Variants in KLF12 observed in about 807,000 individuals in gnomAD.
KLF12 encodes the protein KLF transcription factor 12.
KLF12 carries 9 observed loss-of-function variants against 37.8 expected under a neutral mutation model. The ratio of observed to expected loss-of-function variants is 0.24; its 90% confidence interval spans 0.14 to 0.42. The LOEUF (loss-of-function observed/expected upper bound fraction) is 0.42. KLF12 is among the 10% of genes least tolerant of loss of function. The probability of loss-of-function intolerance (pLI) is 1.00; values close to 1 mark genes in which losing one functional copy is unlikely to be tolerated. For synonymous variants in KLF12, 208 were observed against 202.1 expected, an observed-to-expected ratio of 1.03 and a Z score of -0.25; for missense variants, 411 against 516.0, an observed-to-expected ratio of 0.80 and a Z score of 1.97.
the KLF12 span, among the ~76,000 whole-genome samples, chr13:74,284,412 T>C: frequency 0.032 from 4,800 of 152,300 alleles, 111 homozygotes; most frequent in Middle Eastern, 0.071. Flanking sequence ...TACTGTGGTA[T>C]AAGCTTCCTT....
chr13:73,964,544 T>C (rs535108707), intron 2 of KLF12, among the ~76,000 whole-genome samples: 1 of 145,152 alleles, frequency 6.9e-6, no homozygotes, highest in Non-Finnish European at 1.5e-5. Flanking sequence ...CCAAGGCGGG[T>C]GGATCACGAG....
chr13:74,171,777 C>T, the KLF12 span, among the ~76,000 whole-genome samples: 27 of 152,202 alleles, frequency 1.8e-4, no homozygotes, highest in Admixed American at 1.6e-3. Context: ...TACAAAAAAA[C>T]AAACACTGGA....
At chr13:74,137,700 G>T (rs1239962851), upstream of KLF12, among the ~76,000 whole-genome samples, 11 of 152,054 alleles carry the variant, frequency 7.2e-5, no homozygotes, top group Non-Finnish European at 1.2e-4. Flanking sequence ...TCAACCAGTG[G>T]TGATACTGTC....
chr13:73,963,071 G>A (rs1281090606), intron 2 of KLF12, among the ~76,000 whole-genome samples: 1 of 152,026 alleles, frequency 6.6e-6, no homozygotes, highest in East Asian at 1.9e-4. Context: ...CAGGCAACAT[G>A]GGCAAATATA....
At chr13:73,984,460 T>C (rs1566493523) in intron 2 of KLF12, among the ~76,000 whole-genome samples, 1 of 152,122 alleles carries the variant, frequency 6.6e-6, no homozygotes, top group Non-Finnish European at 1.5e-5. Flanking sequence ...CTCCCACAGT[T>C]CCCTGGCCTC....
the KLF12 span, among the ~76,000 whole-genome samples, chr13:74,196,642 G>T: frequency 6.6e-6 from 1 of 152,056 alleles, no homozygotes; most frequent in South Asian, 2.1e-4. Flanking sequence ...CACTGGCTTC[G>T]TTAGCCTGAG....
At chr13:73,701,015 A>T (rs755970565) in intron 7 of KLF12, among the ~76,000 whole-genome samples, 1 of 152,226 alleles carries the variant, frequency 6.6e-6, no homozygotes, top group Non-Finnish European at 1.5e-5. Flanking sequence ...CTGAAAGGCT[A>T]TCATAAAGAA....
intron 1 of KLF12, among the ~76,000 whole-genome samples, chr13:74,002,419 G>A (rs1452273167): frequency 2.6e-5 from 4 of 152,092 alleles, no homozygotes; most frequent in African/African-American, 4.8e-5. Context: ...CTGTCATCCA[G>A]ACTACAGTGC....
At chr13:73,764,374 T>C (rs1289583403) in intron 6 of KLF12, among the ~76,000 whole-genome samples, 1 of 152,130 alleles carries the variant, frequency 6.6e-6, no homozygotes, top group African/African-American at 2.4e-5. Flanking sequence ...CGATAAGCTA[T>C]GTTTTCTGGT....
At chr13:73,804,515 G>A (rs1882458167) in intron 5 of KLF12, among the ~76,000 whole-genome samples, 1 of 151,896 alleles carries the variant, frequency 6.6e-6, no homozygotes, top group South Asian at 2.1e-4. Context: ...GTCTCCATCT[G>A]GCTCCTAAAT....
At chr13:74,256,677 C>G in the KLF12 span, among the ~76,000 whole-genome samples, 84 of 129,720 alleles carry the variant, frequency 6.5e-4, no homozygotes, top group Non-Finnish European at 7.2e-4. Flanking sequence ...GTGGAAAACT[C>G]TGAGTAGAGC....
chr13:73,774,753 A>G (rs946924616), intron 5 of KLF12, among the ~76,000 whole-genome samples: 2 of 152,310 alleles, frequency 1.3e-5, no homozygotes, highest in African/African-American at 4.8e-5. Context: ...GGATAATAAT[A>G]TAAGCAATAC....
Position 73,909,538 on chromosome 13 carries a change from C to T in KLF12, c.123+34443G>A, listed in dbSNP as rs1309991967. On this transcript the variant is annotated intron_variant, in intron 3 of 7. Coordinates refer to ENST00000377669, the MANE Select transcript of KLF12 (RefSeq NM_007249.5). ...CTTAATATGGGATGATTTTCAAATC[C>T]CTCACCATCCTGGCCACATATACCT... is the stretch of plus-strand genomic sequence containing the variant. 3.9e-5 allele frequency among the ~76,000 whole-genome samples: 6 copies of T among 152,000 alleles called. No homozygotes were observed. The South Asian group carries it at 1.0e-3, about 26-fold the overall frequency.
chr13:74,166,728 A>G, the KLF12 span, among the ~76,000 whole-genome samples: 1 of 151,948 alleles, frequency 6.6e-6, no homozygotes, highest in Admixed American at 6.6e-5. Context: ...CTCAACCTCT[A>G]CTTGTTCTAA....
chr13:74,004,886 A>G (rs935164711), intron 1 of KLF12, among the ~76,000 whole-genome samples: 4 of 152,098 alleles, frequency 2.6e-5, no homozygotes, highest in Non-Finnish European at 5.9e-5. Context: ...TTAATGAATG[A>G]AAATTCTCTT....
At chr13:74,100,352 T>A (rs775664040) in intron 1 of KLF12, among the ~76,000 whole-genome samples, 1 of 152,150 alleles carries the variant, frequency 6.6e-6, no homozygotes, top group Non-Finnish European at 1.5e-5. Flanking sequence ...GTGCGGTGTT[T>A]CATGCCTGTA....
intron 1 of KLF12, among the ~76,000 whole-genome samples, chr13:74,006,755 T>C (rs1892419387): frequency 6.6e-6 from 1 of 152,184 alleles, no homozygotes; most frequent in Non-Finnish European, 1.5e-5. Context: ...TTTCTACCAT[T>C]GTATAACAAA....
intron 1 of KLF12, among the ~76,000 whole-genome samples, chr13:74,069,722 C>A (rs1874117362): frequency 6.6e-6 from 1 of 151,772 alleles, no homozygotes; most frequent in South Asian, 2.1e-4. Context: ...CAAAAATAGT[C>A]CAATAAAAAA....
rs1892623998 is a variant in KLF12 at position 74,014,163 on chromosome 13, T to C, written c.-31-19110A>G. Reference sequence around the variant, plus strand: ...TCTTGTCAGCACAAGGCCATTTGGATTGATGATTCAAATATAACTTGTACT... The same window carrying C: ...TCTTGTCAGCACAAGGCCATTTGGACTGATGATTCAAATATAACTTGTACT... On this transcript the variant is annotated intron_variant, in intron 1 of 7. Coordinates refer to ENST00000377669, the MANE Select transcript of KLF12 (RefSeq NM_007249.5). 3.3e-5 allele frequency among the ~76,000 whole-genome samples: 5 copies of C among 152,200 alleles called. No individual in the cohort carries two copies. The South Asian group carries it at 8.3e-4, about 25-fold the overall frequency.
Sources: gnomAD v4.1 joint callset for allele counts (sites outside exome capture counted in the v4.1 genomes callset) on GRCh38, gnomAD v4.1.1 for gene constraint, MANE v1.5 for transcripts, NCBI Gene and HGNC (gene_info 2026-07-23, HGNC 2026-07-21) for gene names.